Variants in MB observed in about 807,000 individuals in gnomAD.
The protein encoded by MB is nitrite reductase MB.
MB carries 10 observed loss-of-function variants against 14.5 expected under a neutral mutation model. The observed-to-expected ratio is 0.69, with a 90% CI of 0.43 to 1.17. MB has a LOEUF of 1.17. MB is among the 50% of genes most tolerant of loss of function. The pLI is 0.00. For synonymous variants in MB, 89 were observed against 78.6 expected (o/e 1.13, Z -0.70); for missense variants, 169 against 192.7 (o/e 0.88, Z 0.73).
chr22:35,619,350 G>A (rs1569123142), upstream of MB, among the ~76,000 whole-genome samples: 2 of 152,280 alleles, frequency 1.3e-5, no homozygotes, highest in East Asian at 1.9e-4. Flanking sequence ...GTGAGGTAGC[G>A]AGCACCACCC....
At chr22:35,615,271 C>T (rs8137225) in intron 1 of MB, among the ~76,000 whole-genome samples, 1 of 152,164 alleles carries the variant, frequency 6.6e-6, no homozygotes, top group African/African-American at 2.4e-5. Flanking sequence ...CTCCACCCTG[C>T]CCCCAGGGAG....
At chr22:35,614,034 C>T (rs972495234) in intron 1 of MB, among the ~76,000 whole-genome samples, 2 of 152,192 alleles carry the variant, frequency 1.3e-5, no homozygotes, top group African/African-American at 2.4e-5. Context: ...CAGAAAGCCC[C>T]GCTGGCCTGT....
At chr22:35,618,560 T>A (rs1923248318), upstream of MB, among the ~76,000 whole-genome samples, 1 of 152,006 alleles carries the variant, frequency 6.6e-6, no homozygotes, top group African/African-American at 2.4e-5. Context: ...TCTTTGTCTA[T>A]CCATGCATTC....
rs1286739964 is a variant in MB at position 35,610,902 on chromosome 22, G to A, written c.300C>T (p.Ile100=). 6.2e-7 allele frequency: 1 copy of A among 1,613,946 alleles called. No individual in the cohort carries two copies. The highest frequency in any genetic ancestry group is 1.1e-5 in the South Asian group (1 of 91,074). Residue 100 remains isoleucine (I), a synonymous_variant, in exon 2 of 3, where the codon ATC becomes ATT. Transcript: ENST00000397326. ...LAQSHATKHK[I]PVKYLEFISE... The stretch of plus-strand genomic sequence containing the variant: ...CTCCTACCTCCAGGTACTTCACGGG[G>A]ATCTTGTGCTTGGTGGCATGCGACT...
chr22:35,614,645 G>A (rs763257199), intron 1 of MB, among the ~76,000 whole-genome samples: 5 of 152,172 alleles, frequency 3.3e-5, no homozygotes, highest in Non-Finnish European at 7.4e-5. Context: ...TTGTTGTCAG[G>A]CTTCAGTGAG....
upstream of MB, among the ~76,000 whole-genome samples, chr22:35,618,749 C>G (rs561712652): frequency 1.1e-4 from 17 of 152,000 alleles, no homozygotes; most frequent in African/African-American, 3.6e-4. Flanking sequence ...TCCATCTATC[C>G]ATCCATCCAT....
At chr22:35,615,325 T>G (rs1186045033) in intron 1 of MB, among the ~76,000 whole-genome samples, 2 of 152,186 alleles carry the variant, frequency 1.3e-5, no homozygotes, top group Non-Finnish European at 2.9e-5. Flanking sequence ...CAGAACCAGC[T>G]GGCACAGTCT....
chr22:35,611,218 G>A (rs908858815), intron 1 of MB, 112 bp from the exon 2 acceptor site: 11 of 733,616 alleles, frequency 1.5e-5, no homozygotes, highest in Non-Finnish European at 2.3e-5. Context: ...TGTGACCTTG[G>A]GCCATTCACT....
intron 2 of MB, among the ~76,000 whole-genome samples, chr22:35,609,489 C>T (rs1224587319): frequency 1.3e-5 from 2 of 152,058 alleles, no homozygotes; most frequent in Non-Finnish European, 2.9e-5. Flanking sequence ...GGACTCTGCG[C>T]AATTGTGGGG....
chr22:35,616,306 A>AC (rs759715162), intron 1 of MB, among the ~76,000 whole-genome samples: 51 of 152,098 alleles, frequency 3.4e-4, no homozygotes, highest in Non-Finnish European at 5.0e-4. Context: ...AACCACAGCC[A>AC]CCCTCTATTT....
chr22:35,619,388 C>G (rs1440085473), upstream of MB, among the ~76,000 whole-genome samples: 3 of 152,184 alleles, frequency 2.0e-5, no homozygotes, highest in Non-Finnish European at 4.4e-5. Context: ...AGATGAGATT[C>G]AGAAAGGATA....
In MB at chr22:35,607,216, C is replaced by G; in HGVS notation, c.*81G>C. On this transcript the variant is annotated 3_prime_UTR_variant, in exon 3 of 3. Coordinates refer to ENST00000397326, the MANE Select transcript of MB (RefSeq NM_005368.3). The stretch of plus-strand genomic sequence containing the variant: ...AACAAAGCAGACACTCAGAAGCAAA[C>G]TCTATATGGCTACACGAGATCAGAC... The G allele has an allele frequency of 6.8e-7, 1 of 1,468,230 alleles. No individual in the cohort carries two copies. The highest frequency in any genetic ancestry group is 9.1e-7 in the Non-Finnish European group (1 of 1,095,068). 91.0% of individuals were successfully genotyped at this position (1,468,230 alleles called of 1,614,324 possible). A position where few individuals can be genotyped will look rare whatever the true frequency, so the allele number is the denominator to read the frequency against.
chr22:35,607,546 G>A, intron 2 of MB, 103 bp from the exon 3 acceptor site: 3 of 1,155,108 alleles, frequency 2.6e-6, no homozygotes, highest in South Asian at 3.0e-5. Flanking sequence ...CCAGGACCGT[G>A]TATTGAGCAC....
At chr22:35,622,791 C>G (rs5999892) in intron 1 of MB, among the ~76,000 whole-genome samples, 6 of 152,056 alleles carry the variant, frequency 3.9e-5, no homozygotes, top group African/African-American at 1.4e-4. Flanking sequence ...GTCACCTGGA[C>G]AGAGACCAGC....
chr22:35,617,081 CG>C, intron 1 of MB, 81 bp downstream of exon 1: 1 of 1,041,078 alleles, frequency 9.6e-7, no homozygotes, highest in Non-Finnish European at 1.5e-6. Context: ...ACCTACCCCA[CG>C]TGCAAACTTT....
intron 1 of MB, among the ~76,000 whole-genome samples, chr22:35,614,252 G>A (rs889925485): frequency 1.3e-5 from 2 of 152,164 alleles, no homozygotes; most frequent in African/African-American, 2.4e-5. Context: ...GTGGCAGCCC[G>A]TCTTGCGTGT....
rs760617021 is a variant in MB at position 35,607,355 on chromosome 22, A to T, written c.407T>A (p.Leu136Gln). The T allele has an allele frequency of 2.1e-5, 34 of 1,614,090 alleles. No homozygotes were observed. Among genetic ancestry groups the T allele is most frequent in the Non-Finnish European group, 2.5e-5 (29 of 1,180,014 alleles). The change falls in exon 3 of 3, where the codon CTG becomes CAG. Residue 136 changes from leucine (L) to glutamine (Q), a missense_variant. Leu to Gln is a moderately radical substitution (Grantham distance 113). Transcript: ENST00000397326. ...ADAQGAMNKALELFRKDMASN... is the reference protein window; with the variant it reads ...ADAQGAMNKAQELFRKDMASN... ...GGCCATGTCCTTCCGGAACAGCTCC[A>T]GGGCCTTGTTCATGGCCCCCTGGGC...
In MB at chr22:35,610,958, GC is replaced by G; in HGVS notation, c.243del (p.His82IlefsTer21). ...TALGGILKKK[G>X]HHEAEIKPLA... ...AGGGGCTTAATCTCTGCCTCATGAT[GC>G]CCCTTCTTCTTAAGGATGCCACCCA... On this transcript the variant is annotated frameshift_variant, in exon 2 of 3. Coordinates refer to ENST00000397326, the MANE Select transcript of MB (RefSeq NM_005368.3). LOFTEE classifies it high-confidence loss of function. 6.2e-7 allele frequency: 1 copy of G among 1,614,176 alleles called. No individual in the cohort carries two copies.
Position 35,607,425 on chromosome 22 carries a change from T to C in MB, c.337A>G (p.Ile113Val). ...GGATGCTTGCTCTGCAGAACCTGGA[T>C]GATGCATTCCGAGATGAACTGCAGG... The part of the protein sequence containing the change: ...KYLEFISECI[I>V]QVLQSKHPGD... Residue 113 changes from isoleucine (I) to valine (V), a missense_variant, in exon 3 of 3, where the codon ATC (isoleucine) becomes GTC (valine). Transcript: ENST00000397326. 6.2e-7 allele frequency: 1 copy of C among 1,613,956 alleles called. No homozygotes were observed. The highest frequency in any genetic ancestry group is 1.6e-4 in the Middle Eastern group (1 of 6,062).
Sources: gnomAD v4.1 joint callset for allele counts (sites outside exome capture counted in the v4.1 genomes callset) on GRCh38, gnomAD v4.1.1 for gene constraint, MANE v1.5 for transcripts, NCBI Gene and HGNC (gene_info 2026-07-23, HGNC 2026-07-21) for gene names.